The following SGCZ variants were observed in gnomAD, a reference collection of about 807,000 sequenced individuals.
SGCZ encodes the protein sarcoglycan zeta, also known as zeta-sarcoglycan.
SGCZ carries 40 observed loss-of-function variants against 41.3 expected under a neutral mutation model. That is an observed-to-expected ratio of 0.97 (90% confidence interval 0.75 to 1.26). The LOEUF is 1.26. Among genes scored for constraint, SGCZ ranks in the 50% most tolerant of loss-of-function variants. SGCZ has a pLI of 0.00. For missense variants in SGCZ, 552 were observed against 369.8 expected, an observed-to-expected ratio of 1.49 and a Z score of -4.04; for synonymous variants, 206 against 137.5, an observed-to-expected ratio of 1.50 and a Z score of -3.49.
At chr8:14,309,587 T>C in intron 3 of SGCZ, 1 of 1,610,890 alleles carries the variant, frequency 6.2e-7, no homozygotes, top group East Asian at 2.2e-5. Context: ...GGTTAGGACT[T>C]CATCCAAAGA....
chr8:15,097,273 C>G (rs958264029), intron 1 of SGCZ, among the ~76,000 whole-genome samples: 2 of 152,178 alleles, frequency 1.3e-5, no homozygotes, highest in East Asian at 1.9e-4. Flanking sequence ...ATGTAGAATG[C>G]CTTTATAATC....
At chr8:15,080,934 T>G (rs1805724781) in intron 1 of SGCZ, among the ~76,000 whole-genome samples, 1 of 151,880 alleles carries the variant, frequency 6.6e-6, no homozygotes, top group Admixed American at 6.6e-5. Context: ...CAGACAGACA[T>G]AATGCACAGA....
At chr8:14,594,887 A>G (rs2117295335) in intron 1 of SGCZ, among the ~76,000 whole-genome samples, 1 of 152,020 alleles carries the variant, frequency 6.6e-6, no homozygotes, top group East Asian at 1.9e-4. Context: ...TGTCTCTATT[A>G]CAGAGACACT....
At chr8:14,895,428 A>G (rs992450993) in intron 1 of SGCZ, among the ~76,000 whole-genome samples, 7 of 152,170 alleles carry the variant, frequency 4.6e-5, no homozygotes, top group African/African-American at 1.7e-4. Flanking sequence ...GGGGTGATAC[A>G]TAACATTTCT....
At chr8:14,792,153 T>C (rs766167005) in intron 1 of SGCZ, among the ~76,000 whole-genome samples, 9 of 152,200 alleles carry the variant, frequency 5.9e-5, no homozygotes, top group Non-Finnish European at 1.0e-4. Context: ...AAAGGTGTGA[T>C]AAATACACTT....
chr8:14,554,942 G>C lies in SGCZ; in HGVS notation c.40-16C>G. On this transcript the variant is annotated splice_polypyrimidine_tract_variant and intron_variant, in intron 1 of 7. Transcript: ENST00000382080. Reference sequence around the variant, plus strand: ...CTCGTGTCATCTGAAAAAGAAAAAAGAAAGAAAGAGAAAGAAGGAAAAAAA... The same window carrying C: ...CTCGTGTCATCTGAAAAAGAAAAAACAAAGAAAGAGAAAGAAGGAAAAAAA... The C allele has an allele frequency of 2.1e-6, 3 of 1,434,894 alleles. No individual in the cohort carries two copies. The highest frequency in any genetic ancestry group is 2.8e-6 in the Non-Finnish European group (3 of 1,085,424). 88.9% of individuals were successfully genotyped at this position (1,434,894 alleles called of 1,614,324 possible).
chr8:14,932,727 A>T (rs1000038496), intron 1 of SGCZ, among the ~76,000 whole-genome samples: 3 of 152,068 alleles, frequency 2.0e-5, no homozygotes, highest in Non-Finnish European at 2.9e-5. Context: ...GTAATTTTTT[A>T]AAAAATTAAT....
chr8:15,003,427 G>C (rs1802496268), intron 1 of SGCZ, among the ~76,000 whole-genome samples: 1 of 152,148 alleles, frequency 6.6e-6, no homozygotes, highest in African/African-American at 2.4e-5. Context: ...ACCCTTCCCA[G>C]AAATGACTGA....
chr8:15,023,040 G>T (rs1435949937), intron 1 of SGCZ, among the ~76,000 whole-genome samples: 2 of 152,218 alleles, frequency 1.3e-5, no homozygotes, highest in East Asian at 3.9e-4. Context: ...TGTCTGATTA[G>T]TCAGTCAGCT....
Position 14,087,247 on chromosome 8 carries a change from A to G in SGCZ, c.*3196T>C, listed in dbSNP as rs764544981. ...ACTAATAAGTAAGTACCGGATAGAA[A>G]TTTTGGAAATGTTGAACAAGGGAAG... is the stretch of plus-strand genomic sequence containing the variant. On this transcript the variant is annotated 3_prime_UTR_variant, in exon 8 of 8. Transcript: ENST00000382080. 1.3e-5 allele frequency among the ~76,000 whole-genome samples: 2 copies of G among 151,646 alleles called. No homozygotes were observed. The highest frequency in any genetic ancestry group is 2.4e-5 in the African/African-American group (1 of 41,388).
chr8:14,502,744 A>C (rs1393329808), intron 2 of SGCZ, among the ~76,000 whole-genome samples: 1 of 152,210 alleles, frequency 6.6e-6, no homozygotes, highest in Non-Finnish European at 1.5e-5. Context: ...TCAAAACCAA[A>C]ATGAGATACC....
chr8:14,826,901 G>A (rs971878045), intron 1 of SGCZ, among the ~76,000 whole-genome samples: 4 of 152,040 alleles, frequency 2.6e-5, no homozygotes, highest in African/African-American at 2.4e-5. Flanking sequence ...TCACTCTGAC[G>A]GTAGTTTCTT....
At chr8:14,830,826 C>T (rs576337069) in intron 1 of SGCZ, among the ~76,000 whole-genome samples, 10 of 151,920 alleles carry the variant, frequency 6.6e-5, no homozygotes, top group Admixed American at 3.3e-4. Context: ...TCACACTAAA[C>T]GAAAACATGT....
chr8:14,913,384 T>G (rs895031264), intron 1 of SGCZ, among the ~76,000 whole-genome samples: 4 of 152,084 alleles, frequency 2.6e-5, no homozygotes, highest in African/African-American at 9.6e-5. Flanking sequence ...AGAGTCAAGT[T>G]AAATAAATTT....
At chr8:14,251,105 T>A (rs1364624428) in intron 3 of SGCZ, among the ~76,000 whole-genome samples, 2 of 151,966 alleles carry the variant, frequency 1.3e-5, no homozygotes, top group African/African-American at 4.8e-5. Context: ...GTACGCACCT[T>A]TAATCCCAGC....
intron 2 of SGCZ, among the ~76,000 whole-genome samples, chr8:14,331,136 G>A (rs1189919750): frequency 1.3e-5 from 2 of 151,720 alleles, no homozygotes; most frequent in Admixed American, 6.6e-5. Flanking sequence ...ACAACTTGGA[G>A]TTTGGTATGA....
chr8:15,093,062 T>C (rs906858509), intron 1 of SGCZ, among the ~76,000 whole-genome samples: 5 of 152,148 alleles, frequency 3.3e-5, no homozygotes, highest in Non-Finnish European at 5.9e-5. Flanking sequence ...TCCATTATCA[T>C]AGAAACACAA....
At chr8:15,072,875 T>A (rs1344997716) in intron 1 of SGCZ, among the ~76,000 whole-genome samples, 2 of 152,198 alleles carry the variant, frequency 1.3e-5, no homozygotes, top group Admixed American at 1.3e-4. Flanking sequence ...CATACGACTC[T>A]TAGAAGGATG....
At chr8:14,201,666 T>C (rs976213371) in intron 4 of SGCZ, among the ~76,000 whole-genome samples, 1 of 152,218 alleles carries the variant, frequency 6.6e-6, no homozygotes, top group African/African-American at 2.4e-5. Flanking sequence ...AGGGGCATAA[T>C]GTATTTGTTT....
Sources: gnomAD v4.1 joint callset for allele counts (sites outside exome capture counted in the v4.1 genomes callset) on GRCh38, gnomAD v4.1.1 for gene constraint, MANE v1.5 for transcripts, NCBI Gene and HGNC (gene_info 2026-07-23, HGNC 2026-07-21) for gene names.